CGNL1: variants seen among roughly 807,000 people sequenced by gnomAD.
CGNL1 encodes the protein cingulin-like protein 1.
In CGNL1, 132 loss-of-function variants were observed where a neutral mutation model predicts 141.2. That is an observed-to-expected ratio of 0.93 (90% CI 0.81 to 1.08). The LOEUF is 1.08. CGNL1 is among the 50% of genes least tolerant of loss of function. CGNL1 has a pLI of 0.00. For synonymous variants in CGNL1, 690 were observed against 622.1 expected (o/e 1.11, Z -1.63); for missense variants, 1,870 against 1,588.6 (o/e 1.18, Z -3.01).
intron 1 of CGNL1, among the ~76,000 whole-genome samples, chr15:57,414,241 A>G (rs1227273969): frequency 6.6e-6 from 1 of 152,144 alleles, no homozygotes; most frequent in Non-Finnish European, 1.5e-5. Context: ...GGCTCCCTGC[A>G]TGTTCCTCAG....
intron 11 of CGNL1, 95 bp downstream of exon 11, chr15:57,523,736 A>C (rs1019086736): frequency 7.5e-7 from 1 of 1,327,218 alleles, no homozygotes; most frequent in African/African-American, 1.5e-5. Context: ...GGAAACCTGC[A>C]GTAGGTCTAA....
intron 1 of CGNL1, among the ~76,000 whole-genome samples, chr15:57,422,799 A>G (rs555527289): frequency 1.3e-5 from 2 of 152,296 alleles, no homozygotes; most frequent in African/African-American, 2.4e-5. Context: ...CTATTGTTGC[A>G]TTACTGGTGT....
intron 1 of CGNL1, among the ~76,000 whole-genome samples, chr15:57,399,413 A>T (rs564613513): frequency 1.1e-4 from 16 of 152,274 alleles, no homozygotes; most frequent in African/African-American, 3.8e-4. Context: ...ATATTTGAAT[A>T]CTTCATATTA....
rs1269777224 is a variant in CGNL1 at position 57,505,454 on chromosome 15, A to G, written c.2404-11326A>G. Among the ~76,000 whole-genome samples the G allele has an allele frequency of 2.6e-5, 4 of 152,190 alleles. No homozygotes were observed. The East Asian group carries it at 7.7e-4, about 29-fold the overall frequency. On this transcript the variant is annotated intron_variant, in intron 8 of 18. Transcript: ENST00000281282. ...GCCCCATTCCCCTTGCCAGTCAGTTAGAGCTGGCTATTGACCCAGGTAGCC... is the reference window on the plus strand; with the variant it reads ...GCCCCATTCCCCTTGCCAGTCAGTTGGAGCTGGCTATTGACCCAGGTAGCC...
intron 1 of CGNL1, among the ~76,000 whole-genome samples, chr15:57,429,913 T>C (rs2063023918): frequency 6.6e-6 from 1 of 152,194 alleles, no homozygotes; most frequent in Non-Finnish European, 1.5e-5. Flanking sequence ...TGGGCTCAGC[T>C]GATCCTCCTA....
intron 1 of CGNL1, among the ~76,000 whole-genome samples, chr15:57,400,607 G>C (rs1480342240): frequency 6.6e-6 from 1 of 152,058 alleles, no homozygotes; most frequent in African/African-American, 2.4e-5. Flanking sequence ...GTTTGTGCGG[G>C]CATGGTGGCT....
In CGNL1 at chr15:57,438,985, A is replaced by G. The variant is rs768658713; in HGVS notation, c.986A>G (p.His329Arg). Residue 329 changes from histidine (H) to arginine (R), a missense_variant, in exon 2 of 19, where the codon CAT becomes CGT. His to Arg is a conservative substitution (Grantham distance 29). Transcript: ENST00000281282. ...ATCCATGCCGACAACGTCAATCGTC[A>G]TGAAAACAGAAGGTATATTCCCTTC... ...CAIHADNVNR[H>R]ENRRYIPFLP... 3.7e-6 allele frequency: 6 copies of G among 1,614,136 alleles called. No individual in the cohort carries two copies. The African/African-American group carries it at 4.0e-5, about 11-fold the overall frequency.
At chr15:57,441,348 T>C (rs2063184782) in intron 3 of CGNL1, among the ~76,000 whole-genome samples, 1 of 152,064 alleles carries the variant, frequency 6.6e-6, no homozygotes, top group Non-Finnish European at 1.5e-5. Context: ...GTAGAAGAAA[T>C]CTTGACTTTT....
At chr15:57,528,586 A>G (rs2031759074) in intron 12 of CGNL1, 68 bp from the exon 13 acceptor site, 2 of 1,534,642 alleles carry the variant, frequency 1.3e-6, no homozygotes, top group Non-Finnish European at 1.8e-6. Context: ...CAGCCTGTGC[A>G]CTGTCTGTGG....
At chr15:57,428,726 C>G (rs976662101) in intron 1 of CGNL1, among the ~76,000 whole-genome samples, 5 of 152,056 alleles carry the variant, frequency 3.3e-5, no homozygotes, top group African/African-American at 1.2e-4. Context: ...AAGTAAAGGT[C>G]ATAAAAACAG....
chr15:57,400,703 T>C (rs1296751972), intron 1 of CGNL1, among the ~76,000 whole-genome samples: 1 of 151,892 alleles, frequency 6.6e-6, no homozygotes, highest in Non-Finnish European at 1.5e-5. Context: ...GCTAACCTGG[T>C]GAAACCCTGT....
intron 10 of CGNL1, among the ~76,000 whole-genome samples, chr15:57,520,121 C>T (rs1451848954): frequency 6.6e-6 from 1 of 152,138 alleles, no homozygotes; most frequent in Non-Finnish European, 1.5e-5. Context: ...AGTGTGTGGC[C>T]GTGTTAGCCA....
intron 8 of CGNL1, among the ~76,000 whole-genome samples, chr15:57,471,736 G>T (rs986137200): frequency 7.2e-5 from 11 of 152,156 alleles, no homozygotes; most frequent in Admixed American, 7.2e-4. Flanking sequence ...CTCAGATTTC[G>T]TGTTCAATAG....
intron 1 of CGNL1, among the ~76,000 whole-genome samples, chr15:57,401,572 A>G (rs2062660765): frequency 6.6e-6 from 1 of 152,218 alleles, no homozygotes; most frequent in South Asian, 2.1e-4. Context: ...AAAATTATTC[A>G]AAACAGCTTC....
chr15:57,415,117 A>G (rs1483244090), intron 1 of CGNL1, among the ~76,000 whole-genome samples: 2 of 152,114 alleles, frequency 1.3e-5, no homozygotes, highest in Admixed American at 6.5e-5. Context: ...TCCTTATCTC[A>G]TCTCAGCTTC....
At position 57,526,031 on chromosome 15, in the gene CGNL1, C is replaced by T. The variant is rs115962915; in HGVS notation, c.3039+1280C>T. On this transcript the variant is annotated intron_variant, in intron 12 of 18. Transcript: ENST00000281282. ...GACCCCTGAAAAGTACTTCCCGTTGCGTTTTATATAATGATTTTTATGATA... is the reference window on the plus strand; with the variant it reads ...GACCCCTGAAAAGTACTTCCCGTTGTGTTTTATATAATGATTTTTATGATA... Among the ~76,000 whole-genome samples the T allele has an allele frequency of 4.1e-3, 623 of 152,116 alleles. 4 individuals are homozygous for T. The highest frequency in any genetic ancestry group is 0.015 in the African/African-American group (604 of 41,488).
chr15:57,406,481 A>G (rs1003112268), intron 1 of CGNL1, among the ~76,000 whole-genome samples: 1 of 152,146 alleles, frequency 6.6e-6, no homozygotes, highest in African/African-American at 2.4e-5. Flanking sequence ...GGGTTCTGAG[A>G]AGGGTGGAGG....
intron 8 of CGNL1, among the ~76,000 whole-genome samples, chr15:57,481,341 G>T (rs1346680365): frequency 6.6e-6 from 1 of 151,920 alleles, no homozygotes; most frequent in East Asian, 1.9e-4. Flanking sequence ...ATGCCATCTC[G>T]CTTTCCCTCC....
intron 8 of CGNL1, among the ~76,000 whole-genome samples, chr15:57,514,291 A>G (rs776618315): frequency 3.9e-5 from 6 of 152,032 alleles, no homozygotes; most frequent in Non-Finnish European, 8.8e-5. Context: ...AGCTGGGATT[A>G]CAGGTGTGCA....
Sources: gnomAD v4.1 joint callset for allele counts (sites outside exome capture counted in the v4.1 genomes callset) on GRCh38, gnomAD v4.1.1 for gene constraint, MANE v1.5 for transcripts, NCBI Gene and HGNC (gene_info 2026-07-23, HGNC 2026-07-21) for gene names.